The following USP45 variants were observed in gnomAD, a reference collection of about 807,000 sequenced individuals.
USP45 encodes ubiquitin specific peptidase 45.
In USP45, 89 loss-of-function variants were observed where a neutral mutation model predicts 95.8. The observed-to-expected ratio is 0.93, with a 90% CI of 0.78 to 1.11. The LOEUF (loss-of-function observed/expected upper bound fraction) is 1.11. USP45 is among the 50% of genes least tolerant of loss of function. The probability of loss-of-function intolerance (pLI) is 0.00; values close to 1 mark genes in which losing one functional copy is unlikely to be tolerated. For synonymous variants in USP45, 281 were observed against 316.2 expected (o/e 0.89, Z 1.18); for missense variants, 898 against 942.5 (o/e 0.95, Z 0.62).
chr6:99,447,459 G>A (rs3886049), intron 13 of USP45, among the ~76,000 whole-genome samples: 22,353 of 152,114 alleles, frequency 0.15, 2,359 homozygotes, highest in Non-Finnish European at 0.21. Context: ...GTTCCACTCC[G>A]CTGAATTTAT....
At chr6:99,466,584 C>A in intron 11 of USP45, 88 bp downstream of exon 11, 1 of 1,098,652 alleles carries the variant, frequency 9.1e-7, no homozygotes, top group African/African-American at 1.6e-5. Flanking sequence ...TTAAAAATGA[C>A]TGCCAATGAT....
chr6:99,501,212 C>T (rs1797283197), intron 5 of USP45, among the ~76,000 whole-genome samples: 1 of 151,596 alleles, frequency 6.6e-6, no homozygotes, highest in African/African-American at 2.4e-5. Flanking sequence ...CTCCTTAACC[C>T]TCTTCATGAT....
At chr6:99,487,278 A>G (rs1299362774) in intron 7 of USP45, among the ~76,000 whole-genome samples, 1 of 152,130 alleles carries the variant, frequency 6.6e-6, no homozygotes, top group East Asian at 1.9e-4. Flanking sequence ...CTAAATGGCA[A>G]AGTGATCTTG....
chr6:99,461,380 T>G (rs1338311620), intron 13 of USP45: 1 of 985,274 alleles, frequency 1.0e-6, no homozygotes, highest in African/African-American at 1.7e-5. Context: ...TTACCTTAGT[T>G]TTTGGTTCAA....
intron 13 of USP45, among the ~76,000 whole-genome samples, chr6:99,449,469 T>A (rs1027023534): frequency 2.6e-5 from 4 of 152,078 alleles, no homozygotes; most frequent in Admixed American, 2.6e-4. Flanking sequence ...AAGAGCTAAC[T>A]ATCCTAAATA....
intron 8 of USP45, among the ~76,000 whole-genome samples, chr6:99,477,825 C>G (rs948613107): frequency 6.6e-6 from 1 of 152,174 alleles, no homozygotes; most frequent in African/African-American, 2.4e-5. Context: ...CCTACCTGCA[C>G]TTGGTGGACA....
intron 12 of USP45, 65 bp from the exon 13 acceptor site, chr6:99,464,812 T>C: frequency 6.7e-7 from 1 of 1,482,336 alleles, no homozygotes; most frequent in South Asian, 1.4e-5. Context: ...TGTCCTCATC[T>C]TAAAATTTTT....
rs554589118 is a variant in USP45, at chr6:99,460,853, A to C, written c.1308+3751T>G. 3.1e-5 allele frequency: 30 copies of C among 977,908 alleles called. No individual in the cohort carries two copies. The South Asian group carries it at 1.1e-3, about 37-fold the overall frequency. The allele number at this position is 977,908 out of a possible 1,614,324, so 60.6% of individuals were successfully genotyped here. ...AACTAAAAAGAAAACAGAGGAAATAAGATGGAACACAAAAATTATTCAATT... is the reference window on the plus strand; with the variant it reads ...AACTAAAAAGAAAACAGAGGAAATACGATGGAACACAAAAATTATTCAATT... On this transcript the variant is annotated intron_variant, in intron 13 of 17. Transcript: ENST00000500704.
chr6:99,460,655 G>T (rs906909368), intron 13 of USP45: 2 of 359,122 alleles, frequency 5.6e-6, no homozygotes, highest in Non-Finnish European at 7.8e-6. Context: ...GATAGATACC[G>T]TAACTACACA....
At chr6:99,488,114 G>T in intron 7 of USP45, 86 bp downstream of exon 7, 3 of 829,060 alleles carry the variant, frequency 3.6e-6, no homozygotes, top group South Asian at 1.6e-5. Flanking sequence ...TATCTTAGTT[G>T]ACTGATCTGC....
chr6:99,510,425 T>C lies in USP45; in HGVS notation c.-10-195A>G, dbSNP rs116248049. Reference sequence around the variant, plus strand: ...ATCAGTATACACATGGTATATTCCATTGGCTTTTGCCAACTATACCATTAT... The same window carrying C: ...ATCAGTATACACATGGTATATTCCACTGGCTTTTGCCAACTATACCATTAT... On this transcript the variant is annotated intron_variant, in intron 1 of 17. Coordinates refer to ENST00000500704, the MANE Select transcript of USP45 (RefSeq NM_001346022.3). Among the ~76,000 whole-genome samples, 1,228 of 152,340 alleles carry C rather than the reference T, an allele frequency of 8.1e-3. 18 individuals are homozygous for C. Among genetic ancestry groups the C allele is most frequent in the African/African-American group, 0.028 (1,175 of 41,566 alleles).
Position 99,433,680 on chromosome 6 carries a change from G to A in USP45, c.*2036C>T, listed in dbSNP as rs972157073. On this transcript the variant is annotated 3_prime_UTR_variant, in exon 18 of 18. Transcript: ENST00000500704. The stretch of plus-strand genomic sequence containing the variant: ...AAATGACAATAAAAATATCTTACTT[G>A]CATGTTACTTCTGGAATAATGTCAA... 1 of 152,122 alleles carries A rather than the reference G, an allele frequency of 6.6e-6. No homozygotes were observed. The highest frequency in any genetic ancestry group is 1.5e-5 in the Non-Finnish European group (1 of 68,030). The allele number at this position is 152,122 out of a possible 1,614,324, so 9.4% of individuals were successfully genotyped here. A position where few individuals can be genotyped will look rare whatever the true frequency, so the allele number is the denominator to read the frequency against.
At chr6:99,496,592 C>T (rs1796350274) in intron 5 of USP45, among the ~76,000 whole-genome samples, 1 of 152,064 alleles carries the variant, frequency 6.6e-6, no homozygotes, top group South Asian at 2.1e-4. Context: ...TAGAAAAGAA[C>T]ATGGGATTGT....
At chr6:99,506,571 A>C (rs1562450932) in intron 4 of USP45, among the ~76,000 whole-genome samples, 1 of 152,170 alleles carries the variant, frequency 6.6e-6, no homozygotes, top group Non-Finnish European at 1.5e-5. Context: ...AGCCTCCCTA[A>C]GTGCTGGAAT....
In USP45 at chr6:99,433,019, G is replaced by A. The variant is rs1341478407; in HGVS notation, c.*2697C>T. On this transcript the variant is annotated 3_prime_UTR_variant, in exon 18 of 18. Transcript: ENST00000500704. ...TTCTTTTTATTTATTTTTGAGACAG[G>A]GTCTCACTCCGTCACTCTGCAGGAA... The A allele has an allele frequency of 6.6e-6, 1 of 152,004 alleles. No individual in the cohort carries two copies. Among genetic ancestry groups the A allele is most frequent in the Non-Finnish European group, 1.5e-5 (1 of 68,012 alleles). 9.4% of individuals were successfully genotyped at this position (152,004 alleles called of 1,614,324 possible). A position where few individuals can be genotyped will look rare whatever the true frequency, so the allele number is the denominator to read the frequency against.
chr6:99,474,868 A>C (rs1327886630), intron 9 of USP45, among the ~76,000 whole-genome samples: 1 of 152,230 alleles, frequency 6.6e-6, no homozygotes, highest in African/African-American at 2.4e-5. Flanking sequence ...AACCCCTCCC[A>C]GAAGAAGTTG....
intron 13 of USP45, chr6:99,461,306 G>T: frequency 2.0e-6 from 2 of 985,258 alleles, no homozygotes; most frequent in Non-Finnish European, 1.2e-6. Context: ...AAGAAGGGAA[G>T]AAAAATAGCC....
intron 1 of USP45, among the ~76,000 whole-genome samples, chr6:99,511,956 C>G (rs1003659779): frequency 2.7e-5 from 4 of 149,866 alleles, no homozygotes; most frequent in African/African-American, 7.3e-5. Context: ...CAGCATGTAT[C>G]TCTTAAAAAT....
chr6:99,433,436 T>C lies in USP45; in HGVS notation c.*2280A>G, dbSNP rs1054251488. 4.6e-5 allele frequency: 7 copies of C among 152,602 alleles called. No homozygotes were observed. Among genetic ancestry groups the C allele is most frequent in the African/African-American group, 1.7e-4 (7 of 41,426 alleles). The allele number at this position is 152,602 out of a possible 1,614,324, so 9.5% of individuals were successfully genotyped here. On this transcript the variant is annotated 3_prime_UTR_variant, in exon 18 of 18. Transcript: ENST00000500704. ...ATAGTAGACTTGCTACTATATACAT[T>C]TACTATCCCTGCAAATGTGCTTTGG... is the stretch of plus-strand genomic sequence containing the variant.
Sources: gnomAD v4.1 joint callset for allele counts (sites outside exome capture counted in the v4.1 genomes callset) on GRCh38, gnomAD v4.1.1 for gene constraint, MANE v1.5 for transcripts, NCBI Gene and HGNC (gene_info 2026-07-23, HGNC 2026-07-21) for gene names.